SNCAIP: variants seen among roughly 807,000 people sequenced by gnomAD.
SNCAIP encodes the protein synuclein alpha interacting protein, also known as synphilin-1.
SNCAIP carries 43 observed loss-of-function variants against 86.7 expected under a neutral mutation model. The ratio of observed to expected loss-of-function variants is 0.50; its 90% CI spans 0.39 to 0.64. The LOEUF is 0.64. Among genes scored for constraint, SNCAIP ranks in the 30% least tolerant of loss-of-function variants. The pLI, the probability that SNCAIP is intolerant of heterozygous loss-of-function variation, is 0.00. For missense variants in SNCAIP, 981 were observed against 1,103.1 expected (o/e 0.89, Z 1.57); for synonymous variants, 417 against 427.2 (o/e 0.98, Z 0.29).
intron 1 of SNCAIP, among the ~76,000 whole-genome samples, chr5:122,351,956 G>T (rs1282181521): frequency 2.0e-5 from 3 of 152,152 alleles, no homozygotes; most frequent in Middle Eastern, 6.3e-3. Flanking sequence ...CCTCTAGGAG[G>T]CAGGCCACAT....
intron 3 of SNCAIP, among the ~76,000 whole-genome samples, chr5:122,419,905 C>G (rs1776042304): frequency 6.6e-6 from 1 of 152,086 alleles, no homozygotes; most frequent in African/African-American, 2.4e-5. Flanking sequence ...CTGTGTTATT[C>G]TTAAAATACA....
At chr5:122,312,570 G>GT (rs1008454303) in intron 1 of SNCAIP, 11 of 152,542 alleles carry the variant, frequency 7.2e-5, no homozygotes, top group African/African-American at 2.6e-4. Flanking sequence ...CCAAAGGATT[G>GT]TTCTTTTCAT....
At chr5:122,390,137 T>C (rs1029011671) in intron 1 of SNCAIP, among the ~76,000 whole-genome samples, 2 of 152,182 alleles carry the variant, frequency 1.3e-5, no homozygotes, top group Non-Finnish European at 2.9e-5. Context: ...AAATGAATTA[T>C]TTCAGATACT....
chr5:122,462,835 T>G (rs1029366161), intron 10 of SNCAIP, among the ~76,000 whole-genome samples: 2 of 152,206 alleles, frequency 1.3e-5, no homozygotes, highest in African/African-American at 4.8e-5. Context: ...ACACCCAGAA[T>G]GGGAGTAATA....
intron 3 of SNCAIP, 39 bp downstream of exon 3, chr5:122,403,904 C>T (rs887673230): frequency 3.4e-6 from 5 of 1,479,356 alleles, no homozygotes; most frequent in East Asian, 4.5e-5. Flanking sequence ...TATCCTGGCT[C>T]AGTGTTAATG....
At chr5:122,322,782 C>T (rs530642626) in intron 1 of SNCAIP, among the ~76,000 whole-genome samples, 1 of 152,226 alleles carries the variant, frequency 6.6e-6, no homozygotes, top group East Asian at 1.9e-4. Context: ...GATAACTAAA[C>T]ATTAGCCATG....
At chr5:122,352,048 C>T (rs549853276) in intron 1 of SNCAIP, among the ~76,000 whole-genome samples, 148 of 152,274 alleles carry the variant, frequency 9.7e-4, no homozygotes, top group Non-Finnish European at 1.7e-3. Context: ...CTTGGATGCT[C>T]AGTGTTTGTT....
Position 122,451,213 on chromosome 5 carries a change from A to G in SNCAIP, c.2366A>G (p.Gln789Arg). The change falls in exon 10 of 11, where the codon CAG (glutamine) becomes CGG (arginine). Residue 789 changes from glutamine to arginine, a missense_variant. By Grantham distance (43) the Gln-to-Arg change is conservative. Coordinates refer to ENST00000261368, the MANE Select transcript of SNCAIP (RefSeq NM_005460.4). ...QQPSPDSTAAQKVATSPKSAL... is the reference protein window; with the variant it reads ...QQPSPDSTAARKVATSPKSAL... ...CCCAGCCCTGACAGTACTGCTGCCC[A>G]GAAAGTTGCCACAAGTCCCAAGAGT... The G allele has an allele frequency of 1.2e-6, 2 of 1,614,132 alleles. No homozygotes were observed. Among genetic ancestry groups the G allele is most frequent in the Non-Finnish European group, 1.7e-6 (2 of 1,180,024 alleles).
chr5:122,411,656 C>T (rs1451314857), intron 3 of SNCAIP, among the ~76,000 whole-genome samples: 2 of 152,100 alleles, frequency 1.3e-5, no homozygotes, highest in Non-Finnish European at 2.9e-5. Context: ...AGTCCTGACC[C>T]TTCTGTGGCA....
chr5:122,384,096 A>G (rs996102954), intron 1 of SNCAIP, among the ~76,000 whole-genome samples: 8 of 152,194 alleles, frequency 5.3e-5, no homozygotes, highest in Non-Finnish European at 8.8e-5. Context: ...AAACAATACA[A>G]TTCAGGGCTA....
rs776168132 is a variant in SNCAIP, at chr5:122,425,375, A to G, written c.1026A>G (p.Leu342=). 6.2e-7 allele frequency: 1 copy of G among 1,614,008 alleles called. No individual in the cohort carries two copies. The highest frequency in any genetic ancestry group is 1.7e-5 in the Admixed American group (1 of 60,030). The change falls in exon 5 of 11, where the codon CTA becomes CTG. Residue 342 remains leucine (L), a synonymous_variant. Coordinates refer to ENST00000261368, the MANE Select transcript of SNCAIP (RefSeq NM_005460.4). ...AGCCACACCTAGCTGCAGACAATCT[A>G]GACAAAATTCACGACGAAAATGGAA... is the stretch of plus-strand genomic sequence containing the variant. The part of the protein sequence containing the change: ...SLLPHLAADN[L]DKIHDENGNN...
rs1463204051 is a variant in SNCAIP, at chr5:122,326,608, T to A, written c.-47+14324T>A. ...AAAGGGAACTTCAGAAATGTCTCCT[T>A]TTTTTTTTTTTTTTTTTTTTTTTTT... On this transcript the variant is annotated intron_variant, in intron 1 of 10. Transcript: ENST00000261368. Among the ~76,000 whole-genome samples, 10 of 44,514 alleles carry A rather than the reference T, an allele frequency of 2.2e-4. 1 individual carries two copies. The African/African-American group carries it at 2.5e-3, about 11-fold the overall frequency. The allele number at this position is 44,514 out of a possible 152,430, so 29.2% of individuals were successfully genotyped here.
chr5:122,353,200 A>AT (rs1462873867), intron 1 of SNCAIP, among the ~76,000 whole-genome samples: 2 of 152,140 alleles, frequency 1.3e-5, no homozygotes, highest in Admixed American at 1.3e-4. Flanking sequence ...GAGCAAAAAA[A>AT]GGAGGTGGGC....
At chr5:122,337,751 G>A (rs1326055057) in intron 1 of SNCAIP, among the ~76,000 whole-genome samples, 2 of 152,186 alleles carry the variant, frequency 1.3e-5, no homozygotes, top group Admixed American at 6.5e-5. Context: ...TGTTGGCCAG[G>A]CTGGTCTCAA....
At chr5:122,336,173 C>CG (rs1561532707) in intron 1 of SNCAIP, among the ~76,000 whole-genome samples, 22 of 151,274 alleles carry the variant, frequency 1.5e-4, no homozygotes, top group South Asian at 4.2e-4. Context: ...TACTGGTTAT[C>CG]AAGAGAGAGA....
At chr5:122,396,970 A>T (rs1366608999) in intron 2 of SNCAIP, among the ~76,000 whole-genome samples, 1 of 152,102 alleles carries the variant, frequency 6.6e-6, no homozygotes, top group Admixed American at 6.6e-5. Flanking sequence ...GGTACTTTTA[A>T]ATATAAATAA....
intron 1 of SNCAIP, among the ~76,000 whole-genome samples, chr5:122,371,939 T>C (rs1019167894): frequency 3.9e-5 from 6 of 152,172 alleles, no homozygotes; most frequent in African/African-American, 1.4e-4. Flanking sequence ...TGACTGATAA[T>C]GGATGTTTCT....
At chr5:122,414,378 G>C (rs1156326032) in intron 3 of SNCAIP, among the ~76,000 whole-genome samples, 1 of 150,418 alleles carries the variant, frequency 6.6e-6, no homozygotes. Context: ...TTACAGGCAT[G>C]CACCACCATG....
intron 1 of SNCAIP, among the ~76,000 whole-genome samples, chr5:122,337,426 C>T (rs76364127): frequency 3.9e-4 from 59 of 152,058 alleles, no homozygotes; most frequent in African/African-American, 1.4e-3. Flanking sequence ...TCTCTTTTAC[C>T]GAGAGAAATA....
Sources: gnomAD v4.1 joint callset for allele counts (sites outside exome capture counted in the v4.1 genomes callset) on GRCh38, gnomAD v4.1.1 for gene constraint, MANE v1.5 for transcripts, NCBI Gene and HGNC (gene_info 2026-07-23, HGNC 2026-07-21) for gene names.